The following DNMBP variants were observed in gnomAD, a reference collection of about 807,000 sequenced individuals.
The protein encoded by DNMBP is dynamin-binding protein.
In DNMBP, 87 loss-of-function variants were observed where a neutral mutation model predicts 150.0. That is an observed-to-expected ratio of 0.58 (90% CI 0.49 to 0.69). DNMBP has a LOEUF of 0.69. Ranked by LOEUF, DNMBP falls within the 30% of genes least tolerant of loss-of-function variation. The probability of loss-of-function intolerance (pLI) is 0.00; values close to 1 mark genes in which losing one functional copy is unlikely to be tolerated. For synonymous variants in DNMBP, 711 were observed against 750.4 expected (o/e 0.95, Z 0.86); for missense variants, 1,774 against 1,949.0 (o/e 0.91, Z 1.69).
At chr10:99,950,131 A>G (rs1192602928) in intron 4 of DNMBP, among the ~76,000 whole-genome samples, 1 of 152,132 alleles carries the variant, frequency 6.6e-6, no homozygotes, top group Non-Finnish European at 1.5e-5. Context: ...CTCGTGACTG[A>G]ATAAGTCTCA....
At position 99,956,092 on chromosome 10, in the gene DNMBP, G is replaced by T; in HGVS notation, c.1382C>A (p.Pro461His). 1.9e-6 allele frequency: 3 copies of T among 1,614,190 alleles called. No homozygotes were observed. Among genetic ancestry groups the T allele is most frequent in the Non-Finnish European group, 2.5e-6 (3 of 1,180,044 alleles). ...TTTTAGCTGGGAATACATTCTTTTG[G>T]GAGGTAGGCTGGCATAGTCTCTAGT... ...ARTRDYASLP[P>H]KRMYSQLKTL... is the part of the protein sequence containing the mutation. The change falls in exon 4 of 17, where the codon CCC becomes CAC. Residue 461 changes from proline to histidine, a missense_variant. Pro to His is a moderately conservative substitution (Grantham distance 77, BLOSUM62 -2). Around this residue, in one of 2 missense-constraint regions of DNMBP, gnomAD observed 1,430 missense variants for 1,492.5 expected, o/e 0.96. Transcript: ENST00000324109.
At chr10:99,952,456 G>C (rs1345344516) in intron 4 of DNMBP, among the ~76,000 whole-genome samples, 1 of 152,176 alleles carries the variant, frequency 6.6e-6, no homozygotes, top group African/African-American at 2.4e-5. Context: ...GAGAGCTCAA[G>C]TACTCATATT....
rs1254228928 is a variant in DNMBP, at chr10:99,885,281, C to T, written c.3798+406G>A. The stretch of plus-strand genomic sequence containing the variant: ...ATCCCAGCACTTTGGGAGGCTGAGG[C>T]GGACAGATCACAAGGTCAAGAGATC... On this transcript the variant is annotated intron_variant, in intron 14 of 16. Coordinates refer to ENST00000324109, the MANE Select transcript of DNMBP (RefSeq NM_015221.4). Among the ~76,000 whole-genome samples, 5 of 152,264 alleles carry T rather than the reference C, an allele frequency of 3.3e-5. No individual in the cohort carries two copies. In the South Asian group the frequency reaches 6.2e-4, roughly 19 times the overall value.
intron 4 of DNMBP, among the ~76,000 whole-genome samples, chr10:99,932,456 A>G (rs1261775439): frequency 4.6e-5 from 7 of 152,190 alleles, no homozygotes; most frequent in Non-Finnish European, 1.0e-4. Context: ...TAAATTTGTG[A>G]TGCCATGAAT....
At chr10:100,007,101 C>A (rs1228484896) in intron 1 of DNMBP, among the ~76,000 whole-genome samples, 3 of 151,246 alleles carry the variant, frequency 2.0e-5, no homozygotes, top group Non-Finnish European at 4.4e-5. Flanking sequence ...GGTGACAGAG[C>A]AAGACTCTGT....
chr10:99,982,084 T>C (rs1344962825), intron 1 of DNMBP, among the ~76,000 whole-genome samples: 1 of 152,182 alleles, frequency 6.6e-6, no homozygotes, highest in Non-Finnish European at 1.5e-5. Flanking sequence ...GCCTTCTGTT[T>C]TCTGCTGGGC....
At chr10:100,006,155 A>C (rs540905856) in intron 1 of DNMBP, among the ~76,000 whole-genome samples, 1 of 152,346 alleles carries the variant, frequency 6.6e-6, no homozygotes, top group South Asian at 2.1e-4. Context: ...AGCAAAGTAC[A>C]AAAGGGATGA....
chr10:99,917,422 G>A (rs2039976019), intron 4 of DNMBP, among the ~76,000 whole-genome samples: 1 of 152,174 alleles, frequency 6.6e-6, no homozygotes, highest in Non-Finnish European at 1.5e-5. Flanking sequence ...GCACATATTT[G>A]AAAAGAGTGT....
In DNMBP at chr10:99,877,306, G is replaced by A. The variant is rs780944366; in HGVS notation, c.4579C>T (p.Arg1527Ter). Residue 1527 changes from arginine to a stop codon, truncating the protein, a stop_gained, in exon 17 of 17, where the codon CGA becomes TGA. Coordinates refer to ENST00000324109, the MANE Select transcript of DNMBP (RefSeq NM_015221.4). LOFTEE classifies it high-confidence loss of function. Reference sequence around the variant, plus strand: ...GACACGCTCAGCTCATTTGGGTTTCGTGCCTTGAAGGTGTAGACAGCAAAA... The same window carrying A: ...GACACGCTCAGCTCATTTGGGTTTCATGCCTTGAAGGTGTAGACAGCAAAA... Reference protein sequence around the residue: ...VYFAVYTFKARNPNELSVSAN... With the variant: ...VYFAVYTFKA The A allele has an allele frequency of 8.1e-6, 13 of 1,613,426 alleles. No individual in the cohort carries two copies. The highest frequency in any genetic ancestry group is 4.5e-5 in the East Asian group (2 of 44,824).
chr10:99,944,580 G>T (rs920410648), intron 4 of DNMBP, among the ~76,000 whole-genome samples: 1 of 152,040 alleles, frequency 6.6e-6, no homozygotes, highest in Non-Finnish European at 1.5e-5. Context: ...TGAGACCAGC[G>T]AGCACATCTA....
intron 3 of DNMBP, chr10:99,957,426 A>T: frequency 1.7e-6 from 1 of 576,724 alleles, no homozygotes. Flanking sequence ...TGGGTCTCCA[A>T]GATCCTAGCA....
intron 1 of DNMBP, among the ~76,000 whole-genome samples, chr10:100,005,255 T>C (rs1436052053): frequency 6.6e-6 from 1 of 152,216 alleles, no homozygotes; most frequent in East Asian, 1.9e-4. Flanking sequence ...TCCACAGAAA[T>C]ATTATACAGC....
intron 4 of DNMBP, among the ~76,000 whole-genome samples, chr10:99,953,819 A>AAAAAAAG (rs1229016312): frequency 1.4e-4 from 19 of 133,532 alleles, no homozygotes; most frequent in African/African-American, 1.5e-4. Context: ...GTCTCAAAAA[A>AAAAAAAG]AAAAAGAAAA....
intron 3 of DNMBP, among the ~76,000 whole-genome samples, chr10:99,960,405 T>A (rs1034219116): frequency 6.6e-6 from 1 of 152,120 alleles, no homozygotes; most frequent in African/African-American, 2.4e-5. Flanking sequence ...TAAAATAAGA[T>A]CTGGGTAGCA....
chr10:99,947,611 A>G (rs905707852), intron 4 of DNMBP, among the ~76,000 whole-genome samples: 9 of 152,244 alleles, frequency 5.9e-5, no homozygotes, highest in African/African-American at 2.2e-4. Flanking sequence ...AAAACTGCCT[A>G]TTAGGTACTA....
chr10:99,942,672 A>G (rs779966579), intron 4 of DNMBP, among the ~76,000 whole-genome samples: 12 of 152,234 alleles, frequency 7.9e-5, no homozygotes, highest in Non-Finnish European at 1.8e-4. Context: ...AACTGCTAAG[A>G]ACAGTGACTC....
rs935512896 is a variant in DNMBP at position 99,888,266 on chromosome 10, A to G, written c.3285+559T>C. Reference sequence around the variant, plus strand: ...TGCTCTGTTGCCCAGGCTGGAGTACAGTGGTGCTATCTTGGTTCATTGCAA... The same window carrying G: ...TGCTCTGTTGCCCAGGCTGGAGTACGGTGGTGCTATCTTGGTTCATTGCAA... On this transcript the variant is annotated intron_variant, in intron 12 of 16. Transcript: ENST00000324109. 4.6e-5 allele frequency among the ~76,000 whole-genome samples: 7 copies of G among 151,680 alleles called. No individual in the cohort carries two copies. In the East Asian group the frequency reaches 1.2e-3, roughly 25 times the overall value.
At chr10:99,986,624 A>C (rs1474187774) in intron 1 of DNMBP, among the ~76,000 whole-genome samples, 2 of 143,576 alleles carry the variant, frequency 1.4e-5, no homozygotes, top group Non-Finnish European at 3.0e-5. Flanking sequence ...AAAAAAAAAA[A>C]ACCTGCAAGG....
rs1245493655 is a variant in DNMBP at position 99,900,077 on chromosome 10, C to T, written c.2555-11G>A. The T allele has an allele frequency of 6.2e-7, 1 of 1,614,006 alleles. No individual in the cohort carries two copies. Among genetic ancestry groups the T allele is most frequent in the East Asian group, 2.2e-5 (1 of 44,868 alleles). ...CAAGAAACACAGGTCCTTTGGAATA[C>T]ACACAAACATACAGTGTTTTTAGTA... is the stretch of plus-strand genomic sequence containing the variant. On this transcript the variant is annotated splice_polypyrimidine_tract_variant and intron_variant, in intron 6 of 16. Transcript: ENST00000324109.
Sources: allele counts gnomAD v4.1 joint callset (sites outside exome capture counted in the v4.1 genomes callset), GRCh38; gene constraint gnomAD v4.1.1; regional missense constraint gnomAD v4.1.1; transcripts MANE v1.5; gene names NCBI Gene and HGNC (gene_info 2026-07-23, HGNC 2026-07-21).